Variants in PDE1A observed in about 807,000 individuals in gnomAD.
PDE1A encodes dual specificity calcium/calmodulin-dependent 3',5'-cyclic nucleotide phosphodiesterase 1A.
A neutral mutation model predicts 61.7 loss-of-function variants in PDE1A; 35 were observed. The observed-to-expected ratio is 0.57, with a 90% CI of 0.43 to 0.75. PDE1A has a LOEUF of 0.75. PDE1A is among the 30% of genes least tolerant of loss of function. PDE1A has a pLI of 0.00. For missense variants in PDE1A, 597 were observed against 630.6 expected (o/e 0.95, Z 0.57); for synonymous variants, 232 against 213.2 (o/e 1.09, Z -0.77).
the PDE1A span, among the ~76,000 whole-genome samples, chr2:182,540,974 T>C: frequency 1.3e-5 from 2 of 152,084 alleles, no homozygotes; most frequent in African/African-American, 4.8e-5. Context: ...GCTTTCCCTA[T>C]TACCATTAGC....
At chr2:182,715,877 C>T in the PDE1A span, among the ~76,000 whole-genome samples, 1 of 152,218 alleles carries the variant, frequency 6.6e-6, no homozygotes, top group East Asian at 1.9e-4. Context: ...TCTCACCCAC[C>T]CATCACCCAG....
In PDE1A at chr2:182,226,914, C is replaced by T. The variant is rs999555260; in HGVS notation, c.676-2950G>A. Among the ~76,000 whole-genome samples the T allele has an allele frequency of 1.4e-4, 21 of 151,942 alleles. 1 individual carries two copies. Among genetic ancestry groups the T allele is most frequent in the Admixed American group, 3.3e-4 (5 of 15,214 alleles). On this transcript the variant is annotated intron_variant, in intron 6 of 13. Coordinates refer to ENST00000351439, the Ensembl canonical transcript of PDE1A. ...AACAGAAACAAAGGAAGGGAATTAA[C>T]ATTAACTGGACACTTTAGTTAGCTG...
chr2:182,589,089 TA>T, the PDE1A span, among the ~76,000 whole-genome samples: 26 of 146,234 alleles, frequency 1.8e-4, no homozygotes, highest in South Asian at 5.4e-3. Context: ...ATAATAATAA[TA>T]ATTTTAATGA....
intron 2 of PDE1A, among the ~76,000 whole-genome samples, chr2:182,432,059 CCTAGA>C (rs1402310518): frequency 3.3e-5 from 5 of 152,100 alleles, no homozygotes; most frequent in South Asian, 2.1e-4. Flanking sequence ...TATAAAGATC[CCTAGA>C]CTAAAGTCAA....
At chr2:182,650,069 A>T in the PDE1A span, among the ~76,000 whole-genome samples, 1 of 152,116 alleles carries the variant, frequency 6.6e-6, no homozygotes, top group Non-Finnish European at 1.5e-5. Context: ...CCTAGGTGAT[A>T]GAGCGAGACT....
the PDE1A span, among the ~76,000 whole-genome samples, chr2:182,632,617 T>C: frequency 6.6e-6 from 1 of 152,270 alleles, no homozygotes; most frequent in South Asian, 2.1e-4. Flanking sequence ...CCCCACTGGG[T>C]TCTAGACTTA....
At chr2:182,635,002 A>C in the PDE1A span, among the ~76,000 whole-genome samples, 5 of 152,182 alleles carry the variant, frequency 3.3e-5, no homozygotes, top group Admixed American at 6.5e-5. Context: ...TGGATCTCAA[A>C]AGCATAATCT....
At chr2:182,566,142 T>C in the PDE1A span, among the ~76,000 whole-genome samples, 1 of 152,066 alleles carries the variant, frequency 6.6e-6, no homozygotes, top group African/African-American at 2.4e-5. Context: ...TGTTTTCACA[T>C]AGGCCATTAA....
intron 1 of PDE1A, among the ~76,000 whole-genome samples, chr2:182,402,594 TACC>T: frequency 6.6e-6 from 1 of 152,078 alleles, no homozygotes; most frequent in Admixed American, 6.5e-5. Context: ...ACCTAGGCAA[TACC>T]ATTCAGGACA....
chr2:182,157,541 A>G, intron 13 of PDE1A, among the ~76,000 whole-genome samples: 1 of 152,162 alleles, frequency 6.6e-6, no homozygotes, highest in East Asian at 1.9e-4. Flanking sequence ...ACTTCTTTGT[A>G]TGAGTTTCCA....
At chr2:182,715,053 G>C in the PDE1A span, among the ~76,000 whole-genome samples, 11 of 152,144 alleles carry the variant, frequency 7.2e-5, no homozygotes, top group East Asian at 2.1e-3. Flanking sequence ...ACCTGTCTGT[G>C]ATCTGGTCCC....
chr2:182,324,931 T>C (rs991441616), intron 1 of PDE1A, among the ~76,000 whole-genome samples: 10 of 152,192 alleles, frequency 6.6e-5, no homozygotes, highest in African/African-American at 2.4e-4. Flanking sequence ...CAACAAATTC[T>C]GAGGTAGACA....
chr2:182,618,530 T>A, the PDE1A span, among the ~76,000 whole-genome samples: 1 of 151,866 alleles, frequency 6.6e-6, no homozygotes, highest in East Asian at 1.9e-4. Flanking sequence ...GGCTGAAGAA[T>A]CTACACTAAG....
chr2:182,328,018 T>G (rs1176107555), intron 1 of PDE1A, among the ~76,000 whole-genome samples: 1 of 152,096 alleles, frequency 6.6e-6, no homozygotes, highest in Non-Finnish European at 1.5e-5. Flanking sequence ...GGAATGAAGG[T>G]AGAATATGCG....
the PDE1A span, among the ~76,000 whole-genome samples, chr2:182,541,624 T>TA: frequency 6.6e-5 from 10 of 152,300 alleles, no homozygotes; most frequent in South Asian, 4.1e-4. Context: ...CTACTAACCT[T>TA]AGAGTTTTCT....
At chr2:182,555,109 T>C in the PDE1A span, among the ~76,000 whole-genome samples, 1 of 152,224 alleles carries the variant, frequency 6.6e-6, no homozygotes, top group Admixed American at 6.5e-5. Context: ...ATGACTCAAA[T>C]GGCAAATTTA....
chr2:182,686,094 C>T, the PDE1A span, among the ~76,000 whole-genome samples: 1 of 152,076 alleles, frequency 6.6e-6, no homozygotes, highest in Non-Finnish European at 1.5e-5. Flanking sequence ...CTCCAATAGG[C>T]AAGTTTATGG....
At chr2:182,544,831 G>T in the PDE1A span, among the ~76,000 whole-genome samples, 73 of 151,916 alleles carry the variant, frequency 4.8e-4, no homozygotes, top group African/African-American at 1.7e-3. Flanking sequence ...TCATCTTTCT[G>T]GTTCATCTCC....
At chr2:182,404,037 T>C (rs1189728631) in intron 1 of PDE1A, among the ~76,000 whole-genome samples, 3 of 82,528 alleles carry the variant, frequency 3.6e-5, no homozygotes, top group Non-Finnish European at 7.0e-5. Flanking sequence ...CTTATGTCAA[T>C]AGGAACAAAT....
Sources: allele counts gnomAD v4.1 joint callset (sites outside exome capture counted in the v4.1 genomes callset), GRCh38; gene constraint gnomAD v4.1.1; transcripts MANE v1.5; gene names NCBI Gene and HGNC (gene_info 2026-07-23, HGNC 2026-07-21).